Variants in HCN4 observed in about 807,000 individuals in gnomAD.
HCN4 encodes potassium/sodium hyperpolarization-activated cyclic nucleotide-gated channel 4.
Under a neutral mutation model 76.9 loss-of-function variants are expected in HCN4, and 29 were observed. The observed-to-expected ratio is 0.38, with a 90% confidence interval of 0.28 to 0.51. The LOEUF is 0.51. Ranked by LOEUF, HCN4 falls within the 20% of genes least tolerant of loss-of-function variation. HCN4 has a pLI of 0.90. For synonymous variants in HCN4, 772 were observed against 762.5 expected (o/e 1.01, Z -0.21); for missense variants, 1,416 against 1,715.2 (o/e 0.83, Z 3.08).
At position 73,368,021 on chromosome 15, in the gene HCN4, C is replaced by T. The variant is rs1266912247; in HGVS notation, c.250G>A (p.Ala84Thr). 3 of 1,420,410 alleles carry T rather than the reference C, an allele frequency of 2.1e-6. No homozygotes were observed. The highest frequency in any genetic ancestry group is 2.9e-5 in the South Asian group (2 of 68,440). The allele number at this position is 1,420,410 out of a possible 1,614,324, so 88.0% of individuals were successfully genotyped here. The change falls in exon 1 of 8, where the codon GCG becomes ACG. Residue 84 changes from alanine to threonine, a missense_variant. Transcript: ENST00000261917. This position sits in a 1 kb window ranked among gnomAD's most constrained non-coding sequence, Gnocchi z 6.9. ...TCGCCGTTCGTGCTGGACTTGCCCG[C>T]GCCGCGGGCCGGCCCTTCGCTGTCC... ...AADSEGPARG[A>T]GKSSTNGDCR...
intron 1 of HCN4, among the ~76,000 whole-genome samples, chr15:73,362,401 C>T (rs1291897135): frequency 6.6e-6 from 1 of 152,230 alleles, no homozygotes; most frequent in African/African-American, 2.4e-5. Context: ...GGTCTGGACA[C>T]CAGCCACATT....
At position 73,326,233 on chromosome 15, in the gene HCN4, G is replaced by A. The variant is rs532935428; in HGVS notation, c.1591-789C>T. Among the ~76,000 whole-genome samples the A allele has an allele frequency of 9.2e-5, 14 of 152,208 alleles. No homozygotes were observed. The East Asian group carries it at 9.7e-4, about 10-fold the overall frequency. On this transcript the variant is annotated intron_variant, in intron 4 of 7. Transcript: ENST00000261917. The stretch of plus-strand genomic sequence containing the variant: ...TTAGGCAACAACACAGACTCCTCCC[G>A]GATGGGAAGTAGAGGAAGTCCCTAT...
intron 4 of HCN4, among the ~76,000 whole-genome samples, chr15:73,326,989 G>A (rs149460501): frequency 1.4e-4 from 21 of 151,548 alleles, no homozygotes; most frequent in East Asian, 9.7e-4. Context: ...GTTTTGCCAC[G>A]TTGCCCAGGC....
chr15:73,352,859 G>A (rs569317610), intron 1 of HCN4, among the ~76,000 whole-genome samples: 1 of 152,220 alleles, frequency 6.6e-6, no homozygotes, highest in Non-Finnish European at 1.5e-5. Flanking sequence ...ACAGACCCAG[G>A]AGGAGTCTTA....
At chr15:73,346,896 T>C (rs1317314924) in intron 1 of HCN4, among the ~76,000 whole-genome samples, 1 of 152,084 alleles carries the variant, frequency 6.6e-6, no homozygotes, top group African/African-American at 2.4e-5. Flanking sequence ...CAGAGCTAGA[T>C]ATGACGTTCA....
intron 2 of HCN4, among the ~76,000 whole-genome samples, chr15:73,336,894 C>T (rs562342318): frequency 6.6e-6 from 1 of 152,324 alleles, no homozygotes; most frequent in East Asian, 1.9e-4. Context: ...TCCCACTGCA[C>T]CCATGAATAC....
rs1358930502 is a variant in HCN4, at chr15:73,367,414, G to C, written c.785+72C>G. 6.2e-7 allele frequency: 1 copy of C among 1,606,014 alleles called. No individual in the cohort carries two copies. Among genetic ancestry groups the C allele is most frequent in the Non-Finnish European group, 8.5e-7 (1 of 1,177,130 alleles). The stretch of plus-strand genomic sequence containing the variant: ...AGGCAGGAAAGTTAACTCCGGCTGG[G>C]AGGCAGGGTCAGGAGGAGGCATGCC... On this transcript the variant is annotated intron_variant, in intron 1 of 7. Coordinates refer to ENST00000261917, the MANE Select transcript of HCN4 (RefSeq NM_005477.3). This position sits in a 1 kb window ranked among gnomAD's most constrained non-coding sequence, Gnocchi z 7.5.
Position 73,367,171 on chromosome 15 carries a change from G to A in HCN4, c.785+315C>T, listed in dbSNP as rs1460378355. ...CTGACTCTGCAGCCTTGAAGGGGGA[G>A]GAGGAATATGTGGCTTAAGGTGGCA... is the stretch of plus-strand genomic sequence containing the variant. On this transcript the variant is annotated intron_variant, in intron 1 of 7. Transcript: ENST00000261917. This position sits in a 1 kb window ranked among gnomAD's most constrained non-coding sequence, Gnocchi z 7.5. Among the ~76,000 whole-genome samples, 1 of 152,202 alleles carries A rather than the reference G, an allele frequency of 6.6e-6. No homozygotes were observed. The highest frequency in any genetic ancestry group is 2.4e-5 in the African/African-American group (1 of 41,446).
intron 1 of HCN4, among the ~76,000 whole-genome samples, chr15:73,359,501 G>A (rs531898513): frequency 1.3e-4 from 20 of 152,264 alleles, no homozygotes; most frequent in African/African-American, 4.6e-4. Context: ...AACTTAGGGA[G>A]AGCTTCCTAA....
At position 73,322,931 on chromosome 15, in the gene HCN4, C is replaced by T; in HGVS notation, c.3162G>A (p.Leu1054=). The change falls in exon 8 of 8, where the codon CTG becomes CTA. Residue 1054 remains leucine, a synonymous_variant. Coordinates refer to ENST00000261917, the MANE Select transcript of HCN4 (RefSeq NM_005477.3). ...RASGSHGSLL[L]PPASSPPPPQ... is the part of the protein sequence containing the mutation. ...GTGGTGGGGGGCTGGATGCAGGTGG[C>T]AGGAGCAAGGATCCGTGGGAGCCAG... 7.1e-7 allele frequency: 1 copy of T among 1,408,304 alleles called. No homozygotes were observed. The highest frequency in any genetic ancestry group is 2.4e-5 in the East Asian group (1 of 41,048). The allele number at this position is 1,408,304 out of a possible 1,614,324, so 87.2% of individuals were successfully genotyped here.
chr15:73,331,816 T>C (rs1178794416), intron 3 of HCN4, among the ~76,000 whole-genome samples: 1 of 152,136 alleles, frequency 6.6e-6, no homozygotes, highest in African/African-American at 2.4e-5. Flanking sequence ...AGCCCAGCAT[T>C]GCCATGCCTG....
At position 73,328,414 on chromosome 15, in the gene HCN4, G is replaced by A. The variant is rs147868513; in HGVS notation, c.1590+1159C>T. Among the ~76,000 whole-genome samples, 681 of 152,108 alleles carry A rather than the reference G, an allele frequency of 4.5e-3. 4 individuals carry two copies. The highest frequency in any genetic ancestry group is 7.3e-3 in the Non-Finnish European group (494 of 68,016). ...ATGCCAGGCTGGGAAAACATGCTGA[G>A]GAGTTAATCTACATCTTCAGAGCAA... On this transcript the variant is annotated intron_variant, in intron 4 of 7. Transcript: ENST00000261917. This position sits in a 1 kb window ranked among gnomAD's most constrained non-coding sequence, Gnocchi z 4.0.
chr15:73,351,009 T>G (rs1315003362), intron 1 of HCN4, among the ~76,000 whole-genome samples: 1 of 152,114 alleles, frequency 6.6e-6, no homozygotes, highest in Non-Finnish European at 1.5e-5. Flanking sequence ...TGCTCTCCAC[T>G]CCTCAGCACG....
intron 2 of HCN4, among the ~76,000 whole-genome samples, chr15:73,332,746 A>T (rs2042940408): frequency 6.6e-6 from 1 of 152,000 alleles, no homozygotes; most frequent in Admixed American, 6.6e-5. Flanking sequence ...AATTCTCAAG[A>T]CTCACACACG....
In HCN4 at chr15:73,322,521, C is replaced by G. The variant is rs1309346040; in HGVS notation, c.3572G>C (p.Arg1191Thr). 6.2e-7 allele frequency: 1 copy of G among 1,603,632 alleles called. No homozygotes were observed. ...CAGTTTGGAGCGCACTGGCTCAGGC[C>G]TGGCCCCAGGTTCCCTCTGGGGTCC... ...TAGPQREPGA[R>T]PEPVRSKLPS... The change falls in exon 8 of 8, where the codon AGG becomes ACG. Residue 1191 changes from arginine (R) to threonine (T), a missense_variant. Physicochemically the swap from Arg to Thr is moderately conservative, Grantham distance 71. Around this residue, in one of 6 missense-constraint regions of HCN4, gnomAD observed 633 missense variants for 579.8 expected, o/e 1.09. Coordinates refer to ENST00000261917, the MANE Select transcript of HCN4 (RefSeq NM_005477.3).
chr15:73,350,773 C>T (rs2009005800), intron 1 of HCN4, among the ~76,000 whole-genome samples: 1 of 151,938 alleles, frequency 6.6e-6, no homozygotes, highest in African/African-American at 2.4e-5. Flanking sequence ...CAGAAGATTC[C>T]CTCTCTCTCT....
chr15:73,335,788 C>T (rs2042961488), intron 2 of HCN4: 1 of 152,264 alleles, frequency 6.6e-6, no homozygotes, highest in South Asian at 2.1e-4. Context: ...GAAAGAGTTG[C>T]AAAGAGCCCC....
intron 1 of HCN4, among the ~76,000 whole-genome samples, chr15:73,355,756 T>C (rs1230881392): frequency 6.6e-6 from 1 of 151,544 alleles, no homozygotes; most frequent in Admixed American, 6.6e-5. Flanking sequence ...AATATGTACA[T>C]GCGCACACAC....
At chr15:73,355,781 C>T (rs1015952789) in intron 1 of HCN4, among the ~76,000 whole-genome samples, 1 of 151,476 alleles carries the variant, frequency 6.6e-6, no homozygotes, top group African/African-American at 2.4e-5. Context: ...ACACACACAC[C>T]GCCAAACTGC....
Sources: gnomAD v4.1 joint callset for allele counts (sites outside exome capture counted in the v4.1 genomes callset) on GRCh38, gnomAD v4.1.1 for gene constraint, gnomAD v4.1.1 regional missense constraint, Gnocchi (gnomAD v3.1) non-coding constraint, MANE v1.5 for transcripts, NCBI Gene and HGNC (gene_info 2026-07-23, HGNC 2026-07-21) for gene names.